ITIH6: variants seen among roughly 807,000 people sequenced by gnomAD.
The protein encoded by ITIH6 is inter-alpha-trypsin inhibitor heavy chain H6.
A neutral mutation model predicts 58.2 loss-of-function variants in ITIH6; 60 were observed. That is an observed-to-expected ratio of 1.03 (90% CI 0.84 to 1.28). ITIH6 has a LOEUF of 1.28. Among genes scored for constraint, ITIH6 ranks in the 50% most tolerant of loss-of-function variants. The pLI is 0.00. For missense variants in ITIH6, 1,290 were observed against 1,021.1 expected (o/e 1.26, Z -3.59); for synonymous variants, 493 against 417.4 (o/e 1.18, Z -2.21).
rs781339733 is a variant in ITIH6 at position 54,757,251 on chromosome X, C to G, written c.2823G>C (p.Trp941Cys). Reference sequence around the variant, plus strand: ...GACCCGGGAGGAGGTCATACTGATGCCAGAACCTTCCAGGGGGCAGAGTGG... The same window carrying G: ...GACCCGGGAGGAGGTCATACTGATGGCAGAACCTTCCAGGGGGCAGAGTGG... ...FTPTLPPGRFWHQYDLLPGPQ... is the reference protein window; with the variant it reads ...FTPTLPPGRFCHQYDLLPGPQ... Residue 941 changes from tryptophan (W) to cysteine (C), a missense_variant, in exon 8 of 13, where the codon TGG becomes TGC. Trp to Cys is a radical substitution (Grantham distance 215). Transcript: ENST00000218436. The G allele has an allele frequency of 8.4e-7, 1 of 1,190,120 alleles. No individual in the cohort carries two copies. Among genetic ancestry groups the G allele is most frequent in the Non-Finnish European group, 1.1e-6 (1 of 884,537 alleles).
chrX:54,751,996 C>T (rs1217858777), intron 11 of ITIH6, among the ~76,000 whole-genome samples: 3 of 111,178 alleles, frequency 2.7e-5, no homozygotes, highest in Non-Finnish European at 5.6e-5. Flanking sequence ...GTATTCAGTA[C>T]TTGTATGCCC....
chrX:54,790,686 T>G, intron 4 of ITIH6, 151 bp downstream of exon 4: 1 of 725,619 alleles, frequency 1.4e-6, no homozygotes, highest in Middle Eastern at 4.8e-4. Flanking sequence ...TATTTTCACC[T>G]TCAAACATGC....
intron 5 of ITIH6, among the ~76,000 whole-genome samples, chrX:54,782,784 T>A (rs1489755649): frequency 8.9e-6 from 1 of 111,831 alleles, no homozygotes; most frequent in Admixed American, 9.5e-5. Flanking sequence ...CTAATACAAA[T>A]CCTACTCAAA....
At chrX:54,762,202 T>A (rs141902332) in intron 6 of ITIH6, among the ~76,000 whole-genome samples, 261 of 111,773 alleles carry the variant, frequency 2.3e-3, no homozygotes, top group African/African-American at 8.1e-3. Context: ...TTGAAGCAAT[T>A]GTGACTGGGA....
chrX:54,769,049 C>G (rs1928874887), intron 6 of ITIH6, among the ~76,000 whole-genome samples: 1 of 104,699 alleles, frequency 9.6e-6, no homozygotes, highest in South Asian at 4.4e-4. Context: ...TTCACATAGT[C>G]CCATATTTCT....
intron 8 of ITIH6, among the ~76,000 whole-genome samples, chrX:54,755,354 G>T (rs1928464862): frequency 8.9e-6 from 1 of 112,455 alleles, no homozygotes; most frequent in African/African-American, 3.2e-5. Context: ...CATTGCTTAG[G>T]TATTAGGTAT....
intron 6 of ITIH6, among the ~76,000 whole-genome samples, chrX:54,764,366 G>A (rs776672114): frequency 4.3e-4 from 46 of 107,119 alleles, no homozygotes; most frequent in South Asian, 4.2e-4. Flanking sequence ...CCACTAACTC[G>A]TCATCTAGTA....
chrX:54,769,066 C>G (rs1434970300), intron 6 of ITIH6, among the ~76,000 whole-genome samples: 2 of 102,459 alleles, frequency 2.0e-5, no homozygotes, highest in Non-Finnish European at 3.9e-5. Flanking sequence ...TTCTTGGAGG[C>G]TTTGCTCATT....
chrX:54,752,633 A>G lies in ITIH6; in HGVS notation c.3352+1018T>C, dbSNP rs186527305. Among the ~76,000 whole-genome samples the G allele has an allele frequency of 1.2e-4, 13 of 112,396 alleles. No individual in the cohort carries two copies. The East Asian group carries it at 3.7e-3, about 32-fold the overall frequency. ...GGTTCAGCTTACACAATTCTGATGGAAAAATTAAAGTTGAGTAAACTTTCA... is the reference window on the plus strand; with the variant it reads ...GGTTCAGCTTACACAATTCTGATGGGAAAATTAAAGTTGAGTAAACTTTCA... On this transcript the variant is annotated intron_variant, in intron 11 of 12. Transcript: ENST00000218436.
chrX:54,757,133 G>A lies in ITIH6; in HGVS notation c.2941C>T (p.Pro981Ser), dbSNP rs1569543862. Reference sequence around the variant, plus strand: ...GGCAGCAAGATTGGCAGGTTTGGAGGGCTGCCTTCTGGTGTAGGCCTGGAG... The same window carrying A: ...GGCAGCAAGATTGGCAGGTTTGGAGAGCTGCCTTCTGGTGTAGGCCTGGAG... ...NSSRPTPEGSPPNLPILLPSS... is the reference protein window; with the variant it reads ...NSSRPTPEGSSPNLPILLPSS... The change falls in exon 8 of 13, where the codon CCT (proline) becomes TCT (serine). Residue 981 changes from proline (P) to serine (S), a missense_variant. Pro to Ser is a moderately conservative substitution (Grantham distance 74). Transcript: ENST00000218436. 5.0e-6 allele frequency: 6 copies of A among 1,209,668 alleles called. No individual in the cohort carries two copies. The Middle Eastern group carries it at 6.9e-4, about 138-fold the overall frequency.
chrX:54,759,086 G>A (rs1928579215), intron 7 of ITIH6, 88 bp from the exon 8 acceptor site: 7 of 628,234 alleles, frequency 1.1e-5, no homozygotes, highest in Non-Finnish European at 1.4e-5. Flanking sequence ...AACTTCCCAG[G>A]CTCACAGCTC....
chrX:54,789,852 G>A, intron 4 of ITIH6, among the ~76,000 whole-genome samples: 1 of 112,883 alleles, frequency 8.9e-6, no homozygotes, highest in Non-Finnish European at 1.9e-5. Context: ...TGGGAGGGAG[G>A]AATTCTCTCA....
At chrX:54,773,959 G>A in intron 6 of ITIH6, 122 bp downstream of exon 6, 1 of 394,286 alleles carries the variant, frequency 2.5e-6, no homozygotes, top group Non-Finnish European at 4.4e-6. Flanking sequence ...GCCCAAGCCT[G>A]TAAGACTCAA....
At position 54,749,361 on chromosome X, in the gene ITIH6, ACCC is replaced by A; in HGVS notation, c.*531_*533del. The A allele has an allele frequency of 8.7e-6, 1 of 114,581 alleles. No homozygotes were observed. The highest frequency in any genetic ancestry group is 1.8e-5 in the Non-Finnish European group (1 of 54,421). 9.4% of individuals were successfully genotyped at this position (114,581 alleles called of 1,213,427 possible). A position where few individuals can be genotyped will look rare whatever the true frequency, so the allele number is the denominator to read the frequency against. On this transcript the variant is annotated 3_prime_UTR_variant, in exon 13 of 13. Transcript: ENST00000218436. The stretch of plus-strand genomic sequence containing the variant: ...GGAGGGTTGGGGGTGGGCTATAGGA[ACCC>A]AGAGGACAGGACCAAACTCAATCTA...
intron 6 of ITIH6, among the ~76,000 whole-genome samples, chrX:54,766,800 A>T (rs1246218483): frequency 9.8e-6 from 1 of 101,980 alleles, no homozygotes; most frequent in South Asian, 4.2e-4. Flanking sequence ...CCAGTATTTT[A>T]TTGAGGATTT....
At chrX:54,767,114 T>G (rs1340605337) in intron 6 of ITIH6, among the ~76,000 whole-genome samples, 1 of 110,331 alleles carries the variant, frequency 9.1e-6, no homozygotes, top group Non-Finnish European at 1.9e-5. Context: ...TGGTTTAGTC[T>G]TGGGAGAGTG....
At position 54,757,083 on chromosome X, in the gene ITIH6, G is replaced by A. The variant is rs762805828; in HGVS notation, c.2991C>T (p.Ile997=). 8.3e-7 allele frequency: 1 copy of A among 1,209,445 alleles called. No homozygotes were observed. The highest frequency in any genetic ancestry group is 1.7e-5 in the African/African-American group (1 of 57,198). ...LLPSSILPEA[I]SLLLLPEELE... ...GCTCCTCAGGGAGAAGGAGCAGACT[G>A]ATGGCCTCAGGGAGGATGCTAGAAG... Residue 997 remains isoleucine (I), a synonymous_variant, in exon 8 of 13, where the codon ATC becomes ATT. Coordinates refer to ENST00000218436, the MANE Select transcript of ITIH6 (RefSeq NM_198510.3).
At position 54,791,974 on chromosome X, in the gene ITIH6, T is replaced by A; in HGVS notation, c.320A>T (p.Tyr107Phe). The A allele has an allele frequency of 8.3e-7, 1 of 1,208,079 alleles. No individual in the cohort carries two copies. The highest frequency in any genetic ancestry group is 1.8e-5 in the South Asian group (1 of 56,883). Residue 107 changes from tyrosine (Y) to phenylalanine (F), a missense_variant, in exon 3 of 13, where the codon TAT becomes TTT. Physicochemically the swap from Tyr to Phe is conservative, Grantham distance 22. Coordinates refer to ENST00000218436, the MANE Select transcript of ITIH6 (RefSeq NM_198510.3). The part of the protein sequence containing the change: ...VKEKHQAKKI[Y>F]EEAHQQGKTA... The stretch of plus-strand genomic sequence containing the variant: ...CTTTCCCTGCTGATGGGCTTCTTCA[T>A]AGATTTTCTTTGCCTGGTGCTTCTC...
Position 54,788,461 on chromosome X carries a change from C to A in ITIH6, c.786+19G>T, listed in dbSNP as rs1225730332. On this transcript the variant is annotated intron_variant, in intron 5 of 12. Transcript: ENST00000218436. ...GACTCCAGAGCCCATCCTCTCTCCT[C>A]TTCCCCAGGCCCCCTCACCTGCACG... The A allele has an allele frequency of 4.2e-6, 5 of 1,200,725 alleles. No homozygotes were observed. Among genetic ancestry groups the A allele is most frequent in the East Asian group, 6.0e-5 (2 of 33,534 alleles).
Sources: allele counts gnomAD v4.1 joint callset (sites outside exome capture counted in the v4.1 genomes callset), GRCh38; gene constraint gnomAD v4.1.1; transcripts MANE v1.5; gene names NCBI Gene and HGNC (gene_info 2026-07-23, HGNC 2026-07-21).